Variants in CEP85 observed in about 807,000 individuals in gnomAD.
CEP85 encodes centrosomal protein 85.
Under a neutral mutation model 93.7 loss-of-function variants are expected in CEP85, and 58 were observed. The ratio of observed to expected loss-of-function variants is 0.62; its 90% CI spans 0.50 to 0.77. The LOEUF (loss-of-function observed/expected upper bound fraction) is 0.77, where lower values mean the gene tolerates loss of function less well. Ranked by LOEUF, CEP85 falls within the 30% of genes least tolerant of loss-of-function variation. The probability of loss-of-function intolerance (pLI) is 0.00; values close to 1 mark genes in which losing one functional copy is unlikely to be tolerated. For synonymous variants in CEP85, 314 were observed against 338.6 expected (o/e 0.93, Z 0.80); for missense variants, 868 against 922.0 (o/e 0.94, Z 0.76).
chr1:26,256,761 G>C (rs983534910), intron 4 of CEP85, among the ~76,000 whole-genome samples: 1 of 151,108 alleles, frequency 6.6e-6, no homozygotes, highest in African/African-American at 2.4e-5. Flanking sequence ...AACACGCCCA[G>C]CTCTTTTTTG....
Position 26,269,627 on chromosome 1 carries a change from G to C in CEP85, c.1649+13G>C. On this transcript the variant is annotated intron_variant, in intron 9 of 13. Coordinates refer to ENST00000451429, the MANE Select transcript of CEP85 (RefSeq NM_001319944.2). ...CCGCTGGACATAGGTAAATAACCCTGTGGGACTGAGAGGAGTGGAGAGTTA... is the reference window on the plus strand; with the variant it reads ...CCGCTGGACATAGGTAAATAACCCTCTGGGACTGAGAGGAGTGGAGAGTTA... The C allele has an allele frequency of 6.2e-7, 1 of 1,608,634 alleles. No individual in the cohort carries two copies. The highest frequency in any genetic ancestry group is 2.2e-5 in the East Asian group (1 of 44,780).
At chr1:26,237,257 G>T (rs796894996) in intron 1 of CEP85, among the ~76,000 whole-genome samples, 49 of 152,148 alleles carry the variant, frequency 3.2e-4, no homozygotes, top group African/African-American at 1.2e-3. Flanking sequence ...CAATTCAGAG[G>T]TTTTTAATAT....
chr1:26,251,878 G>A (rs1286370147), intron 3 of CEP85, among the ~76,000 whole-genome samples: 3 of 152,116 alleles, frequency 2.0e-5, no homozygotes, highest in African/African-American at 7.2e-5. Context: ...TAATTACACC[G>A]TGGGAGCAGT....
chr1:26,240,912 GAA>G (rs1319669069), intron 2 of CEP85, among the ~76,000 whole-genome samples: 3 of 150,610 alleles, frequency 2.0e-5, no homozygotes, highest in African/African-American at 7.3e-5. Flanking sequence ...AAAAAAAGGG[GAA>G]AAAAAAGAAA....
At chr1:26,260,444 T>A (rs2089788525) in intron 7 of CEP85, among the ~76,000 whole-genome samples, 1 of 151,016 alleles carries the variant, frequency 6.6e-6, no homozygotes, top group South Asian at 2.1e-4. Flanking sequence ...TGAACCAGGA[T>A]CACGCCATCA....
In CEP85 at chr1:26,235,995, G is replaced by A. The variant is rs534235892; in HGVS notation, c.-23+1685G>A. ...AGGACAAAGTGAAGAAATTTTATGA[G>A]CTTTTACTGCTCATATAATTGAGGC... On this transcript the variant is annotated intron_variant, in intron 1 of 13. Transcript: ENST00000451429. Among the ~76,000 whole-genome samples, 3 of 152,346 alleles carry A rather than the reference G, an allele frequency of 2.0e-5. No homozygotes were observed. In the South Asian group the frequency reaches 6.2e-4, roughly 32 times the overall value.
Position 26,255,583 on chromosome 1 carries a change from C to G in CEP85, c.621C>G (p.Phe207Leu). ...LYSDPHHRVRFHNPRTSTSKE... is the reference protein window; with the variant it reads ...LYSDPHHRVRLHNPRTSTSKE... The stretch of plus-strand genomic sequence containing the variant: ...CAGATCCTCACCACCGAGTCCGCTT[C>G]CACAACCCAAGAACCAGCACAAGTA... Residue 207 changes from phenylalanine to leucine, a missense_variant, in exon 4 of 14, where the codon TTC becomes TTG. Phe to Leu is a conservative substitution (Grantham distance 22). Coordinates refer to ENST00000451429, the MANE Select transcript of CEP85 (RefSeq NM_001319944.2). The G allele has an allele frequency of 6.2e-7, 1 of 1,614,176 alleles. No homozygotes were observed. The highest frequency in any genetic ancestry group is 8.5e-7 in the Non-Finnish European group (1 of 1,180,034).
Position 26,255,248 on chromosome 1 carries a change from CCTTCTA to C in CEP85, c.290_295del (p.Ser97_Thr98del). The C allele has an allele frequency of 6.2e-7, 1 of 1,614,196 alleles. No homozygotes were observed. ...AACCATTCCAACAGCCCATGTGATGCCTTCTACTTTAGGGACCTCTCCTGCCAAGCC... is the reference window on the plus strand; with the variant it reads ...AACCATTCCAACAGCCCATGTGATGCCTTTAGGGACCTCTCCTGCCAAGCC... On this transcript the variant is annotated inframe_deletion, in exon 4 of 14. Coordinates refer to ENST00000451429, the MANE Select transcript of CEP85 (RefSeq NM_001319944.2).
At chr1:26,258,068 G>C in intron 5 of CEP85, 75 bp from the exon 6 acceptor site, 1 of 965,420 alleles carries the variant, frequency 1.0e-6, no homozygotes, top group Non-Finnish European at 1.7e-6. Context: ...ACGTAATAGG[G>C]ATTGTACTTA....
intron 3 of CEP85, among the ~76,000 whole-genome samples, chr1:26,249,505 T>G (rs552897717): frequency 1.2e-4 from 18 of 152,372 alleles, no homozygotes; most frequent in Admixed American, 1.2e-3. Flanking sequence ...GGCATGCTTT[T>G]GATTCCACCC....
rs1458563809 is a variant in CEP85, at chr1:26,239,810, T to G, written c.27T>G (p.Thr9=). ...TGGCCATGCAGGAGAAATATCCAAC[T>G]GAGGGGATCTCTCACGTCACTTCAC... is the stretch of plus-strand genomic sequence containing the variant. MAMQEKYP[T]EGISHVTSPS... is the part of the protein sequence containing the mutation. The change falls in exon 2 of 14, where the codon ACT becomes ACG. Residue 9 remains threonine (T), a synonymous_variant. Coordinates refer to ENST00000451429, the MANE Select transcript of CEP85 (RefSeq NM_001319944.2). 1.9e-6 allele frequency: 3 copies of G among 1,613,796 alleles called. No individual in the cohort carries two copies. Among genetic ancestry groups the G allele is most frequent in the African/African-American group, 2.7e-5 (2 of 74,930 alleles).
intron 2 of CEP85, among the ~76,000 whole-genome samples, chr1:26,241,744 AAC>A (rs1366157979): frequency 2.0e-5 from 3 of 152,078 alleles, no homozygotes; most frequent in Non-Finnish European, 4.4e-5. Flanking sequence ...CATGCACTAT[AAC>A]ACAAAAAATT....
At chr1:26,257,779 A>T in intron 5 of CEP85, 49 bp downstream of exon 5, 1 of 1,602,970 alleles carries the variant, frequency 6.2e-7, no homozygotes, top group Non-Finnish European at 8.5e-7. Flanking sequence ...CCCAGGCCCC[A>T]TTGAAGACAC....
At chr1:26,256,318 G>A (rs2124583379) in intron 4 of CEP85, among the ~76,000 whole-genome samples, 1 of 152,190 alleles carries the variant, frequency 6.6e-6, no homozygotes, top group African/African-American at 2.4e-5. Flanking sequence ...GGCCGAGGCG[G>A]GCAGGAGTTC....
intron 10 of CEP85, 151 bp downstream of exon 10, chr1:26,271,258 A>G (rs2089970996): frequency 1.8e-6 from 1 of 569,444 alleles, no homozygotes; most frequent in Non-Finnish European, 3.1e-6. Context: ...CACCCTGCAT[A>G]GTAATTTGTA....
chr1:26,259,572 C>CTA, intron 6 of CEP85, 45 bp from the exon 7 acceptor site: 1 of 1,509,562 alleles, frequency 6.6e-7, no homozygotes, highest in East Asian at 2.3e-5. Flanking sequence ...GTACATGAGA[C>CTA]TATAAGGGTA....
At chr1:26,245,435 G>A (rs1278146476) in intron 3 of CEP85, among the ~76,000 whole-genome samples, 1 of 151,988 alleles carries the variant, frequency 6.6e-6, no homozygotes, top group Non-Finnish European at 1.5e-5. Flanking sequence ...CTATGCTGAT[G>A]TTACTATTCA....
At chr1:26,270,894 AT>A in intron 9 of CEP85, 119 bp from the exon 10 acceptor site, 1 of 645,686 alleles carries the variant, frequency 1.5e-6, no homozygotes, top group South Asian at 1.8e-5. Flanking sequence ...CCCAAGTATT[AT>A]CCCCAGCTAC....
rs2089681249 is a variant in CEP85, at chr1:26,255,422, G to A, written c.460G>A (p.Ala154Thr). ...TAGAGATCTCATGTATTTCTCTGGT[G>A]CTACTGGAGAAAATGGAATTGAGCA... ...LSRDLMYFSGATGENGIEQSW... is the reference protein window; with the variant it reads ...LSRDLMYFSGTTGENGIEQSW... Residue 154 changes from alanine (A) to threonine (T), a missense_variant, in exon 4 of 14, where the codon GCT (alanine) becomes ACT (threonine). Ala to Thr is a moderately conservative substitution (Grantham distance 58). Transcript: ENST00000451429. 1.2e-6 allele frequency: 2 copies of A among 1,614,008 alleles called. No individual in the cohort carries two copies. The highest frequency in any genetic ancestry group is 1.7e-6 in the Non-Finnish European group (2 of 1,180,020).
Sources: allele counts gnomAD v4.1 joint callset (sites outside exome capture counted in the v4.1 genomes callset), GRCh38; gene constraint gnomAD v4.1.1; transcripts MANE v1.5; gene names NCBI Gene and HGNC (gene_info 2026-07-23, HGNC 2026-07-21).